The following PRR5 variants were observed in gnomAD, a reference collection of about 807,000 sequenced individuals.
PRR5 encodes the protein proline-rich protein 5.
PRR5 carries 25 observed loss-of-function variants against 30.6 expected under a neutral mutation model. That is an observed-to-expected ratio of 0.82 (90% CI 0.60 to 1.14). The LOEUF is 1.14. Among genes scored for constraint, PRR5 ranks in the 50% most tolerant of loss-of-function variants. PRR5 has a pLI of 0.00. For synonymous variants in PRR5, 286 were observed against 247.1 expected, an observed-to-expected ratio of 1.16 and a Z score of -1.48; for missense variants, 600 against 547.1, an observed-to-expected ratio of 1.10 and a Z score of -0.96.
At chr22:44,720,608 C>T (rs552579721) in intron 2 of PRR5, among the ~76,000 whole-genome samples, 45 of 152,332 alleles carry the variant, frequency 3.0e-4, no homozygotes, top group African/African-American at 9.4e-4. Flanking sequence ...ACTACTTACA[C>T]GCTTGGGAGG....
In PRR5 at chr22:44,679,856, G is replaced by T; in HGVS notation, c.-11+2616G>T. 7 of 1,596,098 alleles carry T rather than the reference G, an allele frequency of 4.4e-6. No homozygotes were observed. In the South Asian group the frequency reaches 7.9e-5, roughly 18 times the overall value. ...CCTGGGGCTCGGGAAGCCCGGAAAA[G>T]ATGCCGGCGCAGCCTGAGGGCTTGT... On this transcript the variant is annotated intron_variant, in intron 1 of 8. Coordinates refer to the PRR5 transcript ENST00000006251.
intron 4 of PRR5, chr22:44,730,825 T>A (rs1345956625): frequency 2.3e-6 from 1 of 435,884 alleles, no homozygotes; most frequent in African/African-American, 2.1e-5. Context: ...TCTGGGCCAC[T>A]GACTGTGGTG....
At chr22:44,713,189 A>G (rs917847414) in intron 1 of PRR5, among the ~76,000 whole-genome samples, 1 of 152,220 alleles carries the variant, frequency 6.6e-6, no homozygotes, top group Non-Finnish European at 1.5e-5. Context: ...AGCCCTGGGC[A>G]GGGAAGGAAC....
chr22:44,676,063 A>G (rs1923736824), upstream of PRR5, among the ~76,000 whole-genome samples: 1 of 151,874 alleles, frequency 6.6e-6, no homozygotes, highest in Admixed American at 6.6e-5. Context: ...TGAACCTGGG[A>G]AAGTGAAAAG....
At chr22:44,696,539 CT>C (rs1925761091) in intron 1 of PRR5, among the ~76,000 whole-genome samples, 1 of 152,040 alleles carries the variant, frequency 6.6e-6, no homozygotes, top group African/African-American at 2.4e-5. Flanking sequence ...TCCCCGGCCC[CT>C]AGAACTGAAA....
chr22:44,736,996 AC>A lies in PRR5; in HGVS notation c.918del (p.Phe307SerfsTer93), dbSNP rs1158669957. 1 of 1,599,934 alleles carries A rather than the reference AC, an allele frequency of 6.3e-7. No homozygotes were observed. Among genetic ancestry groups the A allele is most frequent in the Non-Finnish European group, 8.5e-7 (1 of 1,173,496 alleles). Reference sequence around the variant, plus strand: ...CCCGCCCGGCCAGGGCCCCACCGGGACCTTCAGGTCCTCCCCGGCGCCCCAC... The same window carrying A: ...CCCGCCCGGCCAGGGCCCCACCGGGACTTCAGGTCCTCCCCGGCGCCCCAC... ...SDPPGQGPTG[T>X]FRSSPAPHSG... On this transcript the variant is annotated frameshift_variant, in exon 8 of 8. Transcript: ENST00000336985. LOFTEE classifies it low-confidence loss of function (END_TRUNC).
upstream of PRR5, among the ~76,000 whole-genome samples, chr22:44,676,230 A>G (rs964406858): frequency 2.0e-5 from 3 of 150,928 alleles, no homozygotes; most frequent in Non-Finnish European, 3.0e-5. Context: ...TTAAAAGTAC[A>G]AAAAAAATGA....
intron 2 of PRR5, among the ~76,000 whole-genome samples, chr22:44,718,090 C>T (rs901633745): frequency 2.0e-5 from 3 of 151,948 alleles, no homozygotes; most frequent in Admixed American, 6.6e-5. Context: ...GCATCCACCT[C>T]GGCTGATGGA....
At chr22:44,671,431 G>T (rs966509544) in intron 1 of PRR5, among the ~76,000 whole-genome samples, 5 of 152,064 alleles carry the variant, frequency 3.3e-5, no homozygotes, top group African/African-American at 1.2e-4. Context: ...GGGCTTGGAA[G>T]TCTGGTGAGC....
At chr22:44,730,744 G>A in intron 4 of PRR5, 1 of 894,052 alleles carries the variant, frequency 1.1e-6, no homozygotes. Context: ...TCGACGTGGT[G>A]CTGCTATTGG....
intron 1 of PRR5, among the ~76,000 whole-genome samples, chr22:44,710,767 C>T (rs565175991): frequency 6.6e-6 from 1 of 152,098 alleles, no homozygotes. Flanking sequence ...CTTCTGTAAT[C>T]TGGGGGCTGG....
In PRR5 at chr22:44,736,992, C is replaced by T. The variant is rs759190486; in HGVS notation, c.912C>T (p.Thr304=). The change falls in exon 8 of 8, where the codon ACC becomes ACT. Residue 304 remains threonine, a synonymous_variant. Transcript: ENST00000336985. ...CCGACCCGCCCGGCCAGGGCCCCAC[C>T]GGGACCTTCAGGTCCTCCCCGGCGC... ...GFSDPPGQGP[T]GTFRSSPAPH... is the part of the protein sequence containing the mutation. 5.0e-6 allele frequency: 8 copies of T among 1,600,300 alleles called. No homozygotes were observed. The highest frequency in any genetic ancestry group is 2.3e-5 in the East Asian group (1 of 44,396).
upstream of PRR5, among the ~76,000 whole-genome samples, chr22:44,700,120 C>A (rs770826101): frequency 6.6e-6 from 1 of 152,096 alleles, no homozygotes; most frequent in African/African-American, 2.4e-5. Flanking sequence ...AGTTTGAGAC[C>A]AGCCTGGGCA....
intron 2 of PRR5, among the ~76,000 whole-genome samples, chr22:44,715,086 A>G (rs1195348521): frequency 1.3e-5 from 2 of 152,220 alleles, no homozygotes; most frequent in East Asian, 1.9e-4. Context: ...CGGAAAAGCA[A>G]TTCCAGCCCT....
At chr22:44,715,636 CA>C (rs1393494282) in intron 2 of PRR5, among the ~76,000 whole-genome samples, 3 of 151,960 alleles carry the variant, frequency 2.0e-5, no homozygotes, top group Non-Finnish European at 2.9e-5. Context: ...AAGGATCTGC[CA>C]GGGGGCGGGG....
chr22:44,736,005 G>A (rs966257701), intron 7 of PRR5, among the ~76,000 whole-genome samples: 3 of 152,196 alleles, frequency 2.0e-5, no homozygotes, highest in African/African-American at 4.8e-5. Flanking sequence ...CCCCTGAGCC[G>A]CTCGTGTGTG....
intron 2 of PRR5, among the ~76,000 whole-genome samples, chr22:44,724,762 C>T (rs1027925454): frequency 3.3e-5 from 5 of 152,190 alleles, no homozygotes; most frequent in Non-Finnish European, 5.9e-5. Flanking sequence ...AGGGGAACCC[C>T]GGTGAATGCC....
intron 1 of PRR5, among the ~76,000 whole-genome samples, chr22:44,669,827 G>A (rs1184580979): frequency 6.6e-6 from 1 of 152,100 alleles, no homozygotes; most frequent in African/African-American, 2.4e-5. Context: ...CTCTTGGTGG[G>A]AGAGTGGTGA....
intron 1 of PRR5, among the ~76,000 whole-genome samples, chr22:44,703,318 AGTGGACACTGTTCGGGGGAGGCT>A (rs61316567): frequency 0.063 from 9,003 of 141,866 alleles, 840 homozygotes; most frequent in African/African-American, 0.21. Flanking sequence ...CGCGGGAGGC[AGTGGACACTGTTCGGGGGAGGCT>A]GTGGACACTG....
Sources: allele counts gnomAD v4.1 joint callset (sites outside exome capture counted in the v4.1 genomes callset), GRCh38; gene constraint gnomAD v4.1.1; transcripts MANE v1.5; gene names NCBI Gene and HGNC (gene_info 2026-07-23, HGNC 2026-07-21).